EMID1: variants seen among roughly 807,000 people sequenced by gnomAD.
The protein encoded by EMID1 is EMI domain-containing protein 1.
Under a neutral mutation model 60.6 loss-of-function variants are expected in EMID1, and 40 were observed. The observed-to-expected ratio is 0.66, with a 90% confidence interval of 0.51 to 0.86. The LOEUF is 0.86. EMID1 is among the 40% of genes least tolerant of loss of function. The pLI is 0.00. For synonymous variants in EMID1, 242 were observed against 231.0 expected, an observed-to-expected ratio of 1.05 and a Z score of -0.43; for missense variants, 585 against 597.1, an observed-to-expected ratio of 0.98 and a Z score of 0.21.
intron 13 of EMID1, among the ~76,000 whole-genome samples, chr22:29,244,190 A>G (rs574893622): frequency 6.6e-6 from 1 of 152,316 alleles, no homozygotes; most frequent in African/African-American, 2.4e-5. Context: ...AGGGAAGCCT[A>G]GAAACTCTCA....
Position 29,206,255 on chromosome 22 carries a change from G to A in EMID1, c.101+116G>A, listed in dbSNP as rs922569088. ...GATCCAGTCCCCAGCCCGGGTGAGG[G>A]CAGGGACACGGCCATCCCGCGGTCC... On this transcript the variant is annotated intron_variant, in intron 1 of 14. Transcript: ENST00000334018. 9 of 801,166 alleles carry A rather than the reference G, an allele frequency of 1.1e-5. No homozygotes were observed. In the African/African-American group the frequency reaches 1.3e-4, roughly 11 times the overall value. The allele number at this position is 801,166 out of a possible 1,614,324, so 49.6% of individuals were successfully genotyped here.
intron 13 of EMID1, among the ~76,000 whole-genome samples, chr22:29,251,674 CT>C (rs1312238487): frequency 1.3e-5 from 2 of 151,090 alleles, no homozygotes; most frequent in African/African-American, 4.9e-5. Context: ...ATTTTTTTTT[CT>C]TTTTTTTGAG....
intron 14 of EMID1, chr22:29,255,208 G>GGGGCC: frequency 1.2e-6 from 1 of 815,192 alleles, no homozygotes; most frequent in Non-Finnish European, 1.8e-6. Context: ...TCCCCGCTTG[G>GGGGCC]CTCCCCAGCC....
chr22:29,251,003 G>A (rs759706272), intron 13 of EMID1, among the ~76,000 whole-genome samples: 8 of 150,554 alleles, frequency 5.3e-5, no homozygotes, highest in East Asian at 2.0e-4. Context: ...CTGCAGCCTC[G>A]ACCTCAGGGG....
chr22:29,227,455 C>T (rs2040557871), intron 5 of EMID1, among the ~76,000 whole-genome samples: 1 of 151,658 alleles, frequency 6.6e-6, no homozygotes, highest in African/African-American at 2.4e-5. Flanking sequence ...CTGTAATCTC[C>T]ATACTTTAGG....
intron 3 of EMID1, among the ~76,000 whole-genome samples, chr22:29,223,559 C>A (rs1275901154): frequency 6.6e-6 from 1 of 152,190 alleles, no homozygotes; most frequent in Non-Finnish European, 1.5e-5. Context: ...CCTCCACCAA[C>A]CAAAAAAAGA....
At position 29,258,819 on chromosome 22, in the gene EMID1, C is replaced by G; in HGVS notation, c.1207C>G (p.Pro403Ala). The change falls in exon 15 of 15, where the codon CCA (proline) becomes GCA (alanine). Residue 403 changes from proline to alanine, a missense_variant and splice_region_variant. By Grantham distance (27) the Pro-to-Ala change is conservative (BLOSUM62 -1). Transcript: ENST00000334018. ...ILETMIGLYE[P>A]ELGSGAGPAG... ...TCTCTCCTTCTTCCCTCCGGCAGAA[C>G]CAGAGCTGGGGTCTGGGGCGGGCCC... The G allele has an allele frequency of 1.2e-6, 2 of 1,613,118 alleles. No individual in the cohort carries two copies. The highest frequency in any genetic ancestry group is 2.2e-5 in the South Asian group (2 of 91,060).
intron 12 of EMID1, among the ~76,000 whole-genome samples, chr22:29,243,029 T>G (rs563492122): frequency 1.3e-5 from 2 of 152,318 alleles, no homozygotes; most frequent in South Asian, 4.1e-4. Context: ...TATGCAGATT[T>G]AGTTCCCCCA....
At chr22:29,209,964 A>T (rs747589218) in intron 1 of EMID1, among the ~76,000 whole-genome samples, 6 of 152,102 alleles carry the variant, frequency 3.9e-5, no homozygotes, top group African/African-American at 1.4e-4. Context: ...TACCCCTGGA[A>T]GGTGGATAGA....
At chr22:29,232,645 C>CTGCT in intron 8 of EMID1, 1 of 477,912 alleles carries the variant, frequency 2.1e-6, no homozygotes, top group Non-Finnish European at 3.7e-6. Context: ...CGGCTTCAAA[C>CTGCT]CCAGGCTGCC....
In EMID1 at chr22:29,228,854, C is replaced by G. The variant is rs141439955; in HGVS notation, c.466-2166C>G. On this transcript the variant is annotated intron_variant, in intron 5 of 14. Coordinates refer to ENST00000334018, the MANE Select transcript of EMID1 (RefSeq NM_133455.4). The stretch of plus-strand genomic sequence containing the variant: ...CAAGGAATCCTCCTGCCTCAGCCTC[C>G]AGGAGTGTTGGGATTACAGATGTGA... 1.1e-3 allele frequency among the ~76,000 whole-genome samples: 165 copies of G among 152,272 alleles called. 2 individuals carry two copies. The highest frequency in any genetic ancestry group is 3.9e-3 in the African/African-American group (162 of 41,556).
chr22:29,231,450 C>A (rs529095693), intron 6 of EMID1, 143 bp from the exon 7 acceptor site: 317 of 922,132 alleles, frequency 3.4e-4, no homozygotes, highest in African/African-American at 3.4e-3. Flanking sequence ...CTACCCCCCC[C>A]ACCCCAGGGC....
In EMID1 at chr22:29,231,584, AC is replaced by A. The variant is rs1441700875; in HGVS notation, c.587-3del. The A allele has an allele frequency of 5.2e-6, 8 of 1,544,602 alleles. No homozygotes were observed. The South Asian group carries it at 7.2e-5, about 14-fold the overall frequency. ...TGGAGCTGCCAGTCTGATATGCTTT[AC>A]CCCCCAGACCAAGTCGGTGCTTGGG... On this transcript the variant is annotated splice_region_variant and splice_polypyrimidine_tract_variant and intron_variant, in intron 6 of 14. Coordinates refer to ENST00000334018, the MANE Select transcript of EMID1 (RefSeq NM_133455.4).
At chr22:29,225,385 G>T (rs537548377) in intron 4 of EMID1, among the ~76,000 whole-genome samples, 169 bp downstream of exon 4, 1 of 152,304 alleles carries the variant, frequency 6.6e-6, no homozygotes, top group South Asian at 2.1e-4. Flanking sequence ...GTTGCTTCAA[G>T]GGGCACAGAA....
chr22:29,206,729 G>A (rs2039673338), intron 1 of EMID1, among the ~76,000 whole-genome samples: 1 of 152,020 alleles, frequency 6.6e-6, no homozygotes, highest in South Asian at 2.1e-4. Context: ...TGGCCTTTAC[G>A]GAGGAGCTCC....
intron 13 of EMID1, among the ~76,000 whole-genome samples, chr22:29,250,534 G>C (rs115418827): frequency 2.2e-4 from 33 of 151,654 alleles, no homozygotes; most frequent in African/African-American, 7.7e-4. Context: ...TCCATGCCAG[G>C]AATGGCTTCA....
intron 5 of EMID1, among the ~76,000 whole-genome samples, chr22:29,227,704 C>CAA (rs560219761): frequency 1.7e-3 from 152 of 88,758 alleles, no homozygotes; most frequent in East Asian, 4.1e-3. Context: ...GACTCTGTCT[C>CAA]AAAAAAAAAA....
chr22:29,216,109 C>A (rs181281990), intron 3 of EMID1, among the ~76,000 whole-genome samples: 128 of 152,304 alleles, frequency 8.4e-4, no homozygotes, highest in African/African-American at 2.7e-3. Context: ...CCCGCCCCCC[C>A]ACCCCTGGGC....
chr22:29,222,782 T>C (rs1370999410), intron 3 of EMID1, among the ~76,000 whole-genome samples: 4 of 152,252 alleles, frequency 2.6e-5, no homozygotes, highest in African/African-American at 9.6e-5. Flanking sequence ...TGGTGATTCA[T>C]GTATTCATCA....
Sources: allele counts gnomAD v4.1 joint callset (sites outside exome capture counted in the v4.1 genomes callset), GRCh38; gene constraint gnomAD v4.1.1; transcripts MANE v1.5; gene names NCBI Gene and HGNC (gene_info 2026-07-23, HGNC 2026-07-21).